UNC45B: variants seen among roughly 807,000 people sequenced by gnomAD.
The protein encoded by UNC45B is unc-45 myosin chaperone B.
In UNC45B, 78 loss-of-function variants were observed where a neutral mutation model predicts 98.7. That is an observed-to-expected ratio of 0.79 (90% CI 0.66 to 0.95). UNC45B has a LOEUF of 0.95. Among genes scored for constraint, UNC45B ranks in the 40% least tolerant of loss-of-function variants. UNC45B has a pLI of 0.00. For missense variants in UNC45B, 1,225 were observed against 1,184.9 expected (o/e 1.03, Z -0.50); for synonymous variants, 462 against 480.4 (o/e 0.96, Z 0.50).
rs2091984389 is a variant in UNC45B at position 35,147,857 on chromosome 17, CAG to C, written c.-53_-52del. 5.9e-6 allele frequency: 1 copy of C among 170,520 alleles called. No homozygotes were observed. The highest frequency in any genetic ancestry group is 5.7e-5 in the Admixed American group (1 of 17,414). 10.6% of individuals were successfully genotyped at this position (170,520 alleles called of 1,614,324 possible). A position where few individuals can be genotyped will look rare whatever the true frequency, so the allele number is the denominator to read the frequency against. Reference sequence around the variant, plus strand: ...GGCTGGAGGTTGACACAGGAGTGCTCAGGGGAGCAGCATCACAAGAGGGCAGA... The same window carrying C: ...GGCTGGAGGTTGACACAGGAGTGCTCGGGAGCAGCATCACAAGAGGGCAGA... On this transcript the variant is annotated 5_prime_UTR_variant, in exon 1 of 20. Coordinates refer to ENST00000394570, the MANE Select transcript of UNC45B (RefSeq NM_001267052.2).
At position 35,179,073 on chromosome 17, in the gene UNC45B, T is replaced by G. The variant is rs972851479; in HGVS notation, c.2255+1463T>G. 2.6e-5 allele frequency among the ~76,000 whole-genome samples: 4 copies of G among 152,220 alleles called. No individual in the cohort carries two copies. The East Asian group carries it at 7.7e-4, about 29-fold the overall frequency. On this transcript the variant is annotated intron_variant, in intron 17 of 19. Transcript: ENST00000394570. The stretch of plus-strand genomic sequence containing the variant: ...GGTTCCATATGAACTTTAAAGTAGT[T>G]TTTTCCAATTCTGTGAAGAAAGTCA...
intron 8 of UNC45B, among the ~76,000 whole-genome samples, chr17:35,161,514 A>C (rs1423190276): frequency 6.6e-6 from 1 of 151,998 alleles, no homozygotes; most frequent in Non-Finnish European, 1.5e-5. Context: ...CATTTGAGGG[A>C]TGCTTTTAGG....
At chr17:35,174,121 C>G in intron 13 of UNC45B, 121 bp from the exon 14 acceptor site, 1 of 1,387,900 alleles carries the variant, frequency 7.2e-7, no homozygotes, top group Non-Finnish European at 1.0e-6. Context: ...AGGCCATGGA[C>G]ATCTTTGGAG....
intron 16 of UNC45B, among the ~76,000 whole-genome samples, 159 bp from the exon 17 acceptor site, chr17:35,177,336 A>G (rs756463960): frequency 2.7e-4 from 41 of 152,222 alleles, no homozygotes; most frequent in Non-Finnish European, 5.0e-4. Context: ...TATCCTATCT[A>G]TAAAGAAAAT....
chr17:35,147,913 G>C lies in UNC45B; in HGVS notation c.-1+3G>C, dbSNP rs900380146. On this transcript the variant is annotated splice_donor_region_variant and intron_variant, in intron 1 of 19. Coordinates refer to ENST00000394570, the MANE Select transcript of UNC45B (RefSeq NM_001267052.2). The stretch of plus-strand genomic sequence containing the variant: ...AAAGCATCGTCCTTGCTGAAAAAGT[G>C]AGCATGGGCCTGGGGTGTGCCCTGG... The C allele has an allele frequency of 4.7e-6, 1 of 213,388 alleles. No homozygotes were observed. Among genetic ancestry groups the C allele is most frequent in the African/African-American group, 2.3e-5 (1 of 43,468 alleles). The allele number at this position is 213,388 out of a possible 1,614,324, so 13.2% of individuals were successfully genotyped here.
In UNC45B at chr17:35,177,519, G is replaced by A. The variant is rs2092243326; in HGVS notation, c.2164G>A (p.Val722Ile). ...ERVYEVVRPL[V>I]RLLDTQRDGL... ...GGTGTATGAGGTGGTGCGGCCCCTT[G>A]TAAGACTCTTGGACACACAGAGGGA... The change falls in exon 17 of 20, where the codon GTA becomes ATA. Residue 722 changes from valine (V) to isoleucine (I), a missense_variant. Transcript: ENST00000394570. 1.3e-6 allele frequency: 2 copies of A among 1,565,792 alleles called. No individual in the cohort carries two copies. Among genetic ancestry groups the A allele is most frequent in the South Asian group, 1.2e-5 (1 of 84,974 alleles).
At chr17:35,167,864 C>A (rs992030389) in intron 9 of UNC45B, among the ~76,000 whole-genome samples, 197 bp from the exon 10 acceptor site, 5 of 152,174 alleles carry the variant, frequency 3.3e-5, no homozygotes, top group African/African-American at 1.2e-4. Flanking sequence ...TTATCCTCAC[C>A]ACAACTCTGA....
intron 9 of UNC45B, among the ~76,000 whole-genome samples, chr17:35,165,233 G>A (rs1188493156): frequency 6.6e-6 from 1 of 152,170 alleles, no homozygotes; most frequent in Non-Finnish European, 1.5e-5. Flanking sequence ...GTCAAGGAGG[G>A]AGGCCCGGTT....
chr17:35,177,750 A>G (rs1461189822), intron 17 of UNC45B, 140 bp downstream of exon 17: 1 of 612,042 alleles, frequency 1.6e-6, no homozygotes, highest in East Asian at 2.9e-5. Flanking sequence ...GCACAAATCC[A>G]CAAACCACAC....
At chr17:35,158,568 T>A (rs189369700) in intron 7 of UNC45B, among the ~76,000 whole-genome samples, 67 of 152,284 alleles carry the variant, frequency 4.4e-4, no homozygotes, top group Non-Finnish European at 8.5e-4. Context: ...GGGTTGAACA[T>A]CTCTGCTACA....
At chr17:35,164,258 A>C in intron 9 of UNC45B, 92 bp downstream of exon 9, 1 of 1,416,962 alleles carries the variant, frequency 7.1e-7, no homozygotes, top group African/African-American at 1.5e-5. Flanking sequence ...AGCTCAAACA[A>C]TAGTGTTTTA....
chr17:35,184,375 C>A (rs960167220), intron 19 of UNC45B, among the ~76,000 whole-genome samples: 1 of 152,196 alleles, frequency 6.6e-6, no homozygotes, highest in African/African-American at 2.4e-5. Context: ...ATCACCTGGG[C>A]AACTTGTTAG....
In UNC45B at chr17:35,168,262, G is replaced by A. The variant is rs2092156053; in HGVS notation, c.1353G>A (p.Lys451=). ...AVEALIHAST[K]LSRATFIITN... is the part of the protein sequence containing the mutation. ...AGGCCCTCATCCATGCCTCCACGAAGCTCAGCCGCGCCACCTTCATCATCA... is the reference window on the plus strand; with the variant it reads ...AGGCCCTCATCCATGCCTCCACGAAACTCAGCCGCGCCACCTTCATCATCA... The change falls in exon 10 of 20, where the codon AAG becomes AAA. Residue 451 remains lysine, a synonymous_variant. Coordinates refer to ENST00000394570, the MANE Select transcript of UNC45B (RefSeq NM_001267052.2). The A allele has an allele frequency of 6.4e-7, 1 of 1,554,678 alleles. No individual in the cohort carries two copies. Among genetic ancestry groups the A allele is most frequent in the Non-Finnish European group, 8.7e-7 (1 of 1,150,432 alleles).
Position 35,168,353 on chromosome 17 carries a change from A to G in UNC45B, c.1444A>G (p.Thr482Ala). Residue 482 changes from threonine to alanine, a missense_variant, in exon 10 of 20, where the codon ACA becomes GCA. Thr to Ala is a moderately conservative substitution (Grantham distance 58). Transcript: ENST00000394570. The part of the protein sequence containing the change: ...TTKNEKIKIR[T>A]LVGLCKLGSA... ...CAAAAATGAGAAGATCAAGATCCGC[A>G]CACTGGTGGTGAGTGGGCTCGGTAC... is the stretch of plus-strand genomic sequence containing the variant. 1 of 1,355,150 alleles carries G rather than the reference A, an allele frequency of 7.4e-7. No individual in the cohort carries two copies. The allele number at this position is 1,355,150 out of a possible 1,614,324, so 83.9% of individuals were successfully genotyped here. A position where few individuals can be genotyped will look rare whatever the true frequency, so the allele number is the denominator to read the frequency against.
chr17:35,149,982 G>A (rs2092004559), intron 3 of UNC45B, 66 bp from the exon 4 acceptor site: 7 of 1,471,678 alleles, frequency 4.8e-6, no homozygotes, highest in Non-Finnish European at 6.3e-6. Context: ...CTGGAGTTGG[G>A]GCAGTGGGGC....
intron 7 of UNC45B, 28 bp downstream of exon 7, chr17:35,155,492 A>G (rs1300354543): frequency 1.2e-6 from 2 of 1,609,728 alleles, no homozygotes; most frequent in Non-Finnish European, 1.7e-6. Context: ...GTTTTGATTC[A>G]AGGGGATGGG....
rs1251001163 is a variant in UNC45B at position 35,149,614 on chromosome 17, G to A, written c.206-434G>A. 5.9e-5 allele frequency among the ~76,000 whole-genome samples: 9 copies of A among 152,076 alleles called. No homozygotes were observed. In the East Asian group the frequency reaches 7.7e-4, roughly 13 times the overall value. The stretch of plus-strand genomic sequence containing the variant: ...GTATTTTTAGTAGAGACAAGGTTTC[G>A]CCATGTTGGCCAGGCTGGTCTCGAA... On this transcript the variant is annotated intron_variant, in intron 3 of 19. Coordinates refer to ENST00000394570, the MANE Select transcript of UNC45B (RefSeq NM_001267052.2).
At position 35,165,135 on chromosome 17, in the gene UNC45B, A is replaced by G. The variant is rs577699594; in HGVS notation, c.1151+969A>G. ...TGCCTCTGCCTCCCAAAGTGCCGGG[A>G]TTACAGGCATCAACTACCTTGCCCA... On this transcript the variant is annotated intron_variant, in intron 9 of 19. Coordinates refer to ENST00000394570, the MANE Select transcript of UNC45B (RefSeq NM_001267052.2). 3.9e-4 allele frequency among the ~76,000 whole-genome samples: 60 copies of G among 152,290 alleles called. 2 individuals carry two copies. The South Asian group carries it at 0.012, about 29-fold the overall frequency.
intron 7 of UNC45B, among the ~76,000 whole-genome samples, chr17:35,158,168 C>T (rs2092077012): frequency 6.6e-6 from 1 of 152,194 alleles, no homozygotes; most frequent in African/African-American, 2.4e-5. Context: ...CTGCGCCCAG[C>T]CCTGAAGTCC....
Sources: allele counts gnomAD v4.1 joint callset (sites outside exome capture counted in the v4.1 genomes callset), GRCh38; gene constraint gnomAD v4.1.1; transcripts MANE v1.5; gene names NCBI Gene and HGNC (gene_info 2026-07-23, HGNC 2026-07-21).